Variants in PGS1 observed in about 807,000 individuals in gnomAD.
PGS1 encodes CDP-diacylglycerol--glycerol-3-phosphate 3-phosphatidyltransferase, mitochondrial.
PGS1 carries 44 observed loss-of-function variants against 58.3 expected under a neutral mutation model. The ratio of observed to expected loss-of-function variants is 0.75; its 90% CI spans 0.59 to 0.97. The LOEUF is 0.97. Ranked by LOEUF, PGS1 falls within the 50% of genes least tolerant of loss-of-function variation. The pLI is 0.00. For missense variants in PGS1, 684 were observed against 731.1 expected (o/e 0.94, Z 0.74); for synonymous variants, 330 against 311.0 (o/e 1.06, Z -0.64).
chr17:78,421,938 T>G (rs1339307428), intron 9 of PGS1: 1 of 146,554 alleles, frequency 6.8e-6, no homozygotes, highest in African/African-American at 2.5e-5. Flanking sequence ...CTCCCGGCTT[T>G]CTAGGTGCGC....
intron 1 of PGS1, among the ~76,000 whole-genome samples, chr17:78,385,356 T>G (rs2082309902): frequency 6.6e-6 from 1 of 151,998 alleles, no homozygotes; most frequent in Non-Finnish European, 1.5e-5. Context: ...TGGCATGATC[T>G]TGCCTCACTA....
chr17:78,413,368 G>A (rs2084893066), intron 7 of PGS1, among the ~76,000 whole-genome samples: 1 of 152,160 alleles, frequency 6.6e-6, no homozygotes, highest in South Asian at 2.1e-4. Flanking sequence ...TGTCAGTGGG[G>A]GAGAACTTGA....
In PGS1 at chr17:78,414,965, G is replaced by A. The variant is rs757187406; in HGVS notation, c.1489G>A (p.Asp497Asn). 1.9e-6 allele frequency: 3 copies of A among 1,613,820 alleles called. No individual in the cohort carries two copies. Among genetic ancestry groups the A allele is most frequent in the South Asian group, 2.2e-5 (2 of 91,044 alleles). The change falls in exon 8 of 10, where the codon GAC becomes AAC. Residue 497 changes from aspartate (D) to asparagine (N), a missense_variant. Physicochemically the swap from Asp to Asn is conservative, Grantham distance 23 (BLOSUM62 1). Transcript: ENST00000262764. ...PNFGYRSVHR[D>N]LEAQIAIVTE... is the part of the protein sequence containing the mutation. The stretch of plus-strand genomic sequence containing the variant: ...TTTTGGGTACAGGTCAGTTCACCGG[G>A]ACCTGGAGGCCCAGATTGCGATCGT...
At chr17:78,386,380 A>G (rs530502613) in intron 1 of PGS1, among the ~76,000 whole-genome samples, 58 of 152,272 alleles carry the variant, frequency 3.8e-4, no homozygotes, top group African/African-American at 1.3e-3. Context: ...AACTTCTCCA[A>G]TATTCCAGGG....
intron 7 of PGS1, 111 bp from the exon 8 acceptor site, chr17:78,414,768 G>GTCCTCGTC (rs2085029037): frequency 8.0e-7 from 1 of 1,244,504 alleles, no homozygotes; most frequent in East Asian, 2.4e-5. Context: ...AGCCCCTCGT[G>GTCCTCGTC]TCCAGGCACC....
Position 78,424,103 on chromosome 17 carries a change from C to G in PGS1, c.*53C>G, listed in dbSNP as rs1050691662. The G allele has an allele frequency of 6.2e-7, 1 of 1,613,708 alleles. No individual in the cohort carries two copies. The highest frequency in any genetic ancestry group is 1.3e-5 in the African/African-American group (1 of 74,942). The stretch of plus-strand genomic sequence containing the variant: ...ATGACAGGCATGGCCGGGGTCAGCT[C>G]TTTCAGCCGCGCTTCAGCGATGACT... On this transcript the variant is annotated 3_prime_UTR_variant, in exon 10 of 10. Transcript: ENST00000262764.
At chr17:78,419,963 C>T (rs1020938632) in intron 9 of PGS1, 15 of 1,190,388 alleles carry the variant, frequency 1.3e-5, no homozygotes, top group African/African-American at 1.6e-5. Flanking sequence ...TCTCCCTTCC[C>T]AGGGGGTCCT....
intron 1 of PGS1, among the ~76,000 whole-genome samples, chr17:78,387,313 T>TC (rs1319702687): frequency 6.6e-6 from 1 of 151,596 alleles, no homozygotes; most frequent in African/African-American, 2.4e-5. Flanking sequence ...CTTTTTTTTT[T>TC]TTGAGACGGA....
At chr17:78,422,577 G>A (rs995618432) in intron 9 of PGS1, among the ~76,000 whole-genome samples, 4 of 126,536 alleles carry the variant, frequency 3.2e-5, no homozygotes, top group South Asian at 2.7e-4. Flanking sequence ...GCCTCGCTGC[G>A]TACTTGACCT....
intron 6 of PGS1, among the ~76,000 whole-genome samples, chr17:78,401,414 G>A (rs763070224): frequency 7.9e-5 from 12 of 152,222 alleles, no homozygotes; most frequent in Admixed American, 1.3e-4. Context: ...CCTGGAAAAT[G>A]AAGTGGAAGA....
At position 78,396,377 on chromosome 17, in the gene PGS1, C is replaced by T; in HGVS notation, c.403C>T (p.Gln135Ter). 1.9e-6 allele frequency: 3 copies of T among 1,610,596 alleles called. No homozygotes were observed. Among genetic ancestry groups the T allele is most frequent in the Non-Finnish European group, 2.5e-6 (3 of 1,177,836 alleles). Reference sequence around the variant, plus strand: ...CTACCTGGGGACAGGTCCTTTGGAACAGGAGCTGGTAAGGTTTATGGGGAG... The same window carrying T: ...CTACCTGGGGACAGGTCCTTTGGAATAGGAGCTGGTAAGGTTTATGGGGAG... ...SLYLGTGPLE[Q>*]ELVDCLESTL... Residue 135 changes from glutamine (Q) to a stop codon, truncating the protein, a stop_gained, in exon 3 of 10, where the codon CAG becomes TAG. Transcript: ENST00000262764. LOFTEE classifies it high-confidence loss of function.
chr17:78,389,163 A>G (rs1428814147), intron 1 of PGS1, among the ~76,000 whole-genome samples: 4 of 147,134 alleles, frequency 2.7e-5, no homozygotes. Context: ...CCCAGGTTCA[A>G]GCAGTTCTGC....
rs1436329460 is a variant in PGS1 at position 78,424,573 on chromosome 17, C to G, written c.*523C>G. On this transcript the variant is annotated 3_prime_UTR_variant, in exon 10 of 10. Transcript: ENST00000262764. ...TGTGCATATAAATATTGCCTTTAAC[C>G]AGACTGCTATTATTTCTACTCGCCC... 1 of 160,780 alleles carries G rather than the reference C, an allele frequency of 6.2e-6. No homozygotes were observed. Among genetic ancestry groups the G allele is most frequent in the African/African-American group, 2.4e-5 (1 of 41,676 alleles). The allele number at this position is 160,780 out of a possible 1,614,324, so 10.0% of individuals were successfully genotyped here.
chr17:78,394,663 C>T (rs1202305451), intron 2 of PGS1, among the ~76,000 whole-genome samples: 1 of 151,968 alleles, frequency 6.6e-6, no homozygotes, highest in Non-Finnish European at 1.5e-5. Flanking sequence ...TCAAGTGATT[C>T]TCCTGCCTCA....
chr17:78,418,824 C>G (rs907655235), intron 8 of PGS1, among the ~76,000 whole-genome samples: 2 of 151,970 alleles, frequency 1.3e-5, no homozygotes, highest in Non-Finnish European at 2.9e-5. Flanking sequence ...ATGTCATTGG[C>G]ACAAATTGGC....
chr17:78,394,345 G>T (rs993726994), intron 2 of PGS1, among the ~76,000 whole-genome samples: 2 of 151,800 alleles, frequency 1.3e-5, no homozygotes, highest in East Asian at 3.9e-4. Context: ...TTGCGCTTTT[G>T]TTCTGTTTGT....
Position 78,419,619 on chromosome 17 carries a change from A to T in PGS1, c.1625A>T (p.Lys542Met). Residue 542 changes from lysine (K) to methionine (M), a missense_variant, in exon 9 of 10, where the codon AAG becomes ATG. By Grantham distance (95) the Lys-to-Met change is moderately conservative. Transcript: ENST00000262764. Reference sequence around the variant, plus strand: ...TTCGAGCAGCCGAGTCGCCAGGTGAAGCTGTGGGTGAAGATGGTGACTCCA... The same window carrying T: ...TTCGAGCAGCCGAGTCGCCAGGTGATGCTGTGGGTGAAGATGGTGACTCCA... Reference protein sequence around the residue: ...ATFEQPSRQVKLWVKMVTPLI... With the variant: ...ATFEQPSRQVMLWVKMVTPLI... 6.2e-7 allele frequency: 1 copy of T among 1,614,102 alleles called. No individual in the cohort carries two copies. Among genetic ancestry groups the T allele is most frequent in the Non-Finnish European group, 8.5e-7 (1 of 1,179,980 alleles).
At position 78,398,305 on chromosome 17, in the gene PGS1, A is replaced by C; in HGVS notation, c.465A>C (p.Ser155=). 1 of 1,614,158 alleles carries C rather than the reference A, an allele frequency of 6.2e-7. No individual in the cohort carries two copies. The highest frequency in any genetic ancestry group is 8.5e-7 in the Non-Finnish European group (1 of 1,179,996). ...LEKSLQAKFP[S]NLKVSILLDF... The stretch of plus-strand genomic sequence containing the variant: ...AGTCACTCCAAGCAAAGTTTCCTTC[A>C]AATCTCAAGGTCTCCATTCTCTTAG... The change falls in exon 4 of 10, where the codon TCA becomes TCC. Residue 155 remains serine, a synonymous_variant. Coordinates refer to ENST00000262764, the MANE Select transcript of PGS1 (RefSeq NM_024419.5).
intron 4 of PGS1, among the ~76,000 whole-genome samples, chr17:78,398,576 C>T (rs1210938580): frequency 6.6e-6 from 1 of 152,212 alleles, no homozygotes; most frequent in Non-Finnish European, 1.5e-5. Context: ...CAGTGGCATG[C>T]CCTGTAGTCC....
Sources: gnomAD v4.1 joint callset for allele counts (sites outside exome capture counted in the v4.1 genomes callset) on GRCh38, gnomAD v4.1.1 for gene constraint, MANE v1.5 for transcripts, NCBI Gene and HGNC (gene_info 2026-07-23, HGNC 2026-07-21) for gene names.